Variants in LCLAT1 observed in about 807,000 individuals in gnomAD.
The protein encoded by LCLAT1 is 1-AGP acyltransferase 8.
A neutral mutation model predicts 30.7 loss-of-function variants in LCLAT1; 11 were observed. That is an observed-to-expected ratio of 0.36 (90% CI 0.23 to 0.59). The LOEUF (loss-of-function observed/expected upper bound fraction) is 0.59. LCLAT1 is among the 20% of genes least tolerant of loss of function. The pLI is 0.77. For synonymous variants in LCLAT1, 155 were observed against 151.3 expected (o/e 1.02, Z -0.18); for missense variants, 402 against 458.6 (o/e 0.88, Z 1.13).
intron 5 of LCLAT1, among the ~76,000 whole-genome samples, chr2:30,580,952 T>C (rs185264486): frequency 2.0e-5 from 3 of 152,258 alleles, no homozygotes; most frequent in South Asian, 2.1e-4. Flanking sequence ...TAGTATCTTA[T>C]GGTTGGGAGT....
rs142081291 is a variant in LCLAT1, at chr2:30,510,599, T to A, written c.-4-14988T>A. Among the ~76,000 whole-genome samples the A allele has an allele frequency of 9.1e-4, 138 of 152,342 alleles. 1 individual carries two copies. Among genetic ancestry groups the A allele is most frequent in the East Asian group, 7.3e-3 (38 of 5,188 alleles). ...TTATCTTTGCTATTAGTAGGCTCTG[T>A]TAATGTGGAATGTCATTTTCTCCGG... On this transcript the variant is annotated intron_variant, in intron 1 of 5. Coordinates refer to ENST00000379509, the MANE Select transcript of LCLAT1 (RefSeq NM_001002257.3).
chr2:30,488,727 A>G (rs993099285), intron 1 of LCLAT1, among the ~76,000 whole-genome samples: 2 of 152,220 alleles, frequency 1.3e-5, no homozygotes, highest in African/African-American at 4.8e-5. Context: ...TGAGAATTGT[A>G]GAGCTAGAGA....
In LCLAT1 at chr2:30,517,022, G is replaced by A. The variant is rs575217918; in HGVS notation, c.-4-8565G>A. On this transcript the variant is annotated intron_variant, in intron 1 of 5. Coordinates refer to ENST00000379509, the MANE Select transcript of LCLAT1 (RefSeq NM_001002257.3). ...CCTGAATTCCCGGCATTGGCCAGTC[G>A]AGATCATGGTGCAGCCAGAAGTCTC... Among the ~76,000 whole-genome samples, 17 of 152,288 alleles carry A rather than the reference G, an allele frequency of 1.1e-4. No individual in the cohort carries two copies. The East Asian group carries it at 2.3e-3, about 21-fold the overall frequency.
At chr2:30,537,888 A>G (rs1252631) in intron 3 of LCLAT1, among the ~76,000 whole-genome samples, 133,525 of 152,204 alleles carry the variant, frequency 0.88, 58,982 homozygotes, top group African/African-American at 0.97. Context: ...TATCCTGTCA[A>G]ACCACAATGA....
chr2:30,470,394 A>T (rs1457992501), intron 1 of LCLAT1, among the ~76,000 whole-genome samples: 1 of 152,184 alleles, frequency 6.6e-6, no homozygotes, highest in Non-Finnish European at 1.5e-5. Flanking sequence ...CTCCTACTGT[A>T]ATTCTGACCT....
intron 5 of LCLAT1, among the ~76,000 whole-genome samples, chr2:30,634,435 G>A (rs1668922725): frequency 6.6e-6 from 1 of 152,170 alleles, no homozygotes; most frequent in South Asian, 2.1e-4. Context: ...AGACCAGCCT[G>A]GCCAACATGG....
chr2:30,589,012 A>G (rs966920047), intron 5 of LCLAT1, among the ~76,000 whole-genome samples: 3 of 152,260 alleles, frequency 2.0e-5, no homozygotes, highest in African/African-American at 7.2e-5. Flanking sequence ...TCTTAACATT[A>G]TGAATTGCTA....
chr2:30,573,608 C>T (rs1030886418), intron 5 of LCLAT1, among the ~76,000 whole-genome samples: 47 of 152,268 alleles, frequency 3.1e-4, no homozygotes, highest in South Asian at 4.1e-4. Flanking sequence ...GCCTTCCCCA[C>T]GGTATCCTCT....
intron 3 of LCLAT1, among the ~76,000 whole-genome samples, chr2:30,550,607 G>C (rs1015105080): frequency 6.6e-6 from 1 of 152,146 alleles, no homozygotes; most frequent in East Asian, 1.9e-4. Flanking sequence ...CATGTCAGAG[G>C]TTCATGATAT....
intron 5 of LCLAT1, among the ~76,000 whole-genome samples, chr2:30,614,750 GCAAGACTGAAAGAGATCACC>G (rs769624809): frequency 1.8e-4 from 28 of 152,170 alleles, no homozygotes; most frequent in Non-Finnish European, 2.2e-4. Flanking sequence ...ATTTAAAGCT[GCAAGACTGAAAGAGATCACC>G]TAAGGAATGA....
intron 1 of LCLAT1, among the ~76,000 whole-genome samples, chr2:30,452,009 G>A (rs973494430): frequency 1.3e-5 from 2 of 152,184 alleles, no homozygotes; most frequent in African/African-American, 4.8e-5. Flanking sequence ...CCATTTAAAT[G>A]AAGTCACAAA....
At position 30,470,108 on chromosome 2, in the gene LCLAT1, C is replaced by T. The variant is rs1175196639; in HGVS notation, c.-5+22725C>T. 2.0e-5 allele frequency among the ~76,000 whole-genome samples: 3 copies of T among 152,044 alleles called. No homozygotes were observed. The East Asian group carries it at 5.8e-4, about 29-fold the overall frequency. Reference sequence around the variant, plus strand: ...ATGGTCTTGTGTGTCGAGTCAGTTTCGGGTGGGGGTTACAGGGCCAGTTGA... The same window carrying T: ...ATGGTCTTGTGTGTCGAGTCAGTTTTGGGTGGGGGTTACAGGGCCAGTTGA... On this transcript the variant is annotated intron_variant, in intron 1 of 5. Coordinates refer to ENST00000379509, the MANE Select transcript of LCLAT1 (RefSeq NM_001002257.3).
At chr2:30,590,222 G>A (rs1382121615) in intron 5 of LCLAT1, among the ~76,000 whole-genome samples, 2 of 152,000 alleles carry the variant, frequency 1.3e-5, no homozygotes, top group Admixed American at 6.5e-5. Flanking sequence ...GAACATTTGT[G>A]AGTGAAGATG....
intron 1 of LCLAT1, among the ~76,000 whole-genome samples, chr2:30,467,572 T>A (rs950659033): frequency 1.3e-5 from 2 of 152,240 alleles, no homozygotes; most frequent in Non-Finnish European, 2.9e-5. Context: ...AAAGTGTTCC[T>A]ATTTCTCCAC....
chr2:30,637,719 A>C (rs926484131), intron 5 of LCLAT1, among the ~76,000 whole-genome samples: 2 of 152,154 alleles, frequency 1.3e-5, no homozygotes, highest in African/African-American at 4.8e-5. Flanking sequence ...CTGAGATTAC[A>C]AGCGTGCGCC....
At position 30,489,417 on chromosome 2, in the gene LCLAT1, A is replaced by G. The variant is rs1408768801; in HGVS notation, c.-4-36170A>G. Among the ~76,000 whole-genome samples the G allele has an allele frequency of 3.3e-5, 5 of 151,112 alleles. No homozygotes were observed. In the East Asian group the frequency reaches 5.9e-4, roughly 18 times the overall value. ...GCCCAGGCTGGAGTGCAGTGGCGCGATCTCGGCTCACTGCAAGCTCTGCCT... is the reference window on the plus strand; with the variant it reads ...GCCCAGGCTGGAGTGCAGTGGCGCGGTCTCGGCTCACTGCAAGCTCTGCCT... On this transcript the variant is annotated intron_variant, in intron 1 of 5. Coordinates refer to ENST00000379509, the MANE Select transcript of LCLAT1 (RefSeq NM_001002257.3).
intron 5 of LCLAT1, among the ~76,000 whole-genome samples, chr2:30,581,984 A>G (rs1053996267): frequency 8.5e-5 from 13 of 152,232 alleles, no homozygotes; most frequent in African/African-American, 3.1e-4. Context: ...CACATTGCAT[A>G]CATATCTTAA....
At chr2:30,448,380 A>G (rs1681372343) in intron 1 of LCLAT1, among the ~76,000 whole-genome samples, 1 of 152,246 alleles carries the variant, frequency 6.6e-6, no homozygotes, top group Non-Finnish European at 1.5e-5. Context: ...GTAAGTAAAA[A>G]TACATCATCA....
intron 3 of LCLAT1, among the ~76,000 whole-genome samples, chr2:30,555,425 AAAT>A (rs1438911206): frequency 1.1e-4 from 16 of 152,204 alleles, no homozygotes; most frequent in African/African-American, 3.1e-4. Flanking sequence ...GGTCAAATCT[AAAT>A]AATAATAAAT....
Sources: gnomAD v4.1 joint callset for allele counts (sites outside exome capture counted in the v4.1 genomes callset) on GRCh38, gnomAD v4.1.1 for gene constraint, MANE v1.5 for transcripts, NCBI Gene and HGNC (gene_info 2026-07-23, HGNC 2026-07-21) for gene names.